Variants in DNAH9 observed in about 807,000 individuals in gnomAD.
The protein encoded by DNAH9 is dynein axonemal heavy chain 9.
Under a neutral mutation model 471.6 loss-of-function variants are expected in DNAH9, and 345 were observed. The ratio of observed to expected loss-of-function variants is 0.73; its 90% CI spans 0.67 to 0.80. DNAH9 has a LOEUF of 0.80. DNAH9 is among the 30% of genes least tolerant of loss of function. The pLI, the probability that DNAH9 is intolerant of heterozygous loss-of-function variation, is 0.00. For synonymous variants in DNAH9, 2,093 were observed against 2,123.6 expected, an observed-to-expected ratio of 0.99 and a Z score of 0.40; for missense variants, 5,407 against 5,609.2, an observed-to-expected ratio of 0.96 and a Z score of 1.15.
At chr17:11,657,413 T>C (rs1485071353) in intron 14 of DNAH9, among the ~76,000 whole-genome samples, 2 of 152,100 alleles carry the variant, frequency 1.3e-5, no homozygotes, top group African/African-American at 4.8e-5. Flanking sequence ...AATTGGATGG[T>C]TTATAGTTCT....
chr17:11,834,821 A>G lies in DNAH9; in HGVS notation c.9430A>G (p.Lys3144Glu). The change falls in exon 49 of 69, where the codon AAG becomes GAG. Residue 3144 changes from lysine to glutamate, a missense_variant. By Grantham distance (56) the Lys-to-Glu change is moderately conservative. Around this residue, in one of 3 missense-constraint regions of DNAH9, gnomAD observed 4,636 missense variants for 4,900.3 expected, o/e 0.95. Transcript: ENST00000262442. ...CATGCTAGAGGTGAAACAGAAGCAGAAGGACTGTGAGGAGGACCTGGCAAA... is the reference window on the plus strand; with the variant it reads ...CATGCTAGAGGTGAAACAGAAGCAGGAGGACTGTGAGGAGGACCTGGCAAA... ...VIMLEVKQKQ[K>E]DCEEDLAKAE... is the part of the protein sequence containing the mutation. The G allele has an allele frequency of 1.2e-6, 2 of 1,614,134 alleles. No homozygotes were observed. The highest frequency in any genetic ancestry group is 8.5e-7 in the Non-Finnish European group (1 of 1,180,026).
At chr17:11,841,769 T>C (rs1971043009) in intron 49 of DNAH9, among the ~76,000 whole-genome samples, 1 of 152,128 alleles carries the variant, frequency 6.6e-6, no homozygotes, top group Admixed American at 6.6e-5. Flanking sequence ...AGCTATTTTA[T>C]TTAGGAACCA....
At chr17:11,653,544 C>T (rs552625838) in intron 14 of DNAH9, among the ~76,000 whole-genome samples, 1 of 152,296 alleles carries the variant, frequency 6.6e-6, no homozygotes, top group African/African-American at 2.4e-5. Flanking sequence ...ACTGAAGCTT[C>T]CTTGTGAACA....
chr17:11,712,210 T>C (rs1398274932), intron 26 of DNAH9, among the ~76,000 whole-genome samples: 1 of 145,620 alleles, frequency 6.9e-6, no homozygotes, highest in Non-Finnish European at 1.5e-5. Context: ...TTATATAATT[T>C]TAAAAACTCC....
chr17:11,851,665 G>A (rs1412974097), intron 49 of DNAH9, among the ~76,000 whole-genome samples: 4 of 152,144 alleles, frequency 2.6e-5, no homozygotes, highest in Non-Finnish European at 5.9e-5. Context: ...AGGGAAGGAA[G>A]AGAAAGTCCA....
intron 41 of DNAH9, among the ~76,000 whole-genome samples, chr17:11,788,292 A>G (rs1415732970): frequency 6.6e-6 from 1 of 152,200 alleles, no homozygotes; most frequent in Non-Finnish European, 1.5e-5. Context: ...TGCAATAAAC[A>G]TCTGGGTAGA....
At chr17:11,824,889 C>T (rs1014743344) in intron 48 of DNAH9, among the ~76,000 whole-genome samples, 1 of 151,796 alleles carries the variant, frequency 6.6e-6, no homozygotes, top group Non-Finnish European at 1.5e-5. Flanking sequence ...TTCTCCTTCT[C>T]CTCCTCCTTC....
chr17:11,754,367 A>T (rs970370649), intron 33 of DNAH9, among the ~76,000 whole-genome samples: 48 of 152,170 alleles, frequency 3.2e-4, no homozygotes, highest in African/African-American at 1.1e-3. Flanking sequence ...TGGGTCAAAC[A>T]GTATTTCTGT....
At chr17:11,843,824 T>A (rs1326236972) in intron 49 of DNAH9, among the ~76,000 whole-genome samples, 1 of 140,548 alleles carries the variant, frequency 7.1e-6, no homozygotes, top group Non-Finnish European at 1.5e-5. Context: ...TATTTGTATA[T>A]ATACATGTAT....
At chr17:11,618,479 G>A (rs2072789763) in intron 5 of DNAH9, among the ~76,000 whole-genome samples, 1 of 151,938 alleles carries the variant, frequency 6.6e-6, no homozygotes, top group Non-Finnish European at 1.5e-5. Flanking sequence ...CCAGCTACTT[G>A]GGAGGCTGAG....
intron 38 of DNAH9, among the ~76,000 whole-genome samples, chr17:11,778,062 A>G (rs1431424070): frequency 1.3e-5 from 2 of 152,048 alleles, no homozygotes; most frequent in African/African-American, 4.8e-5. Flanking sequence ...ACCAGGGAAG[A>G]CCTTACTGGA....
At chr17:11,852,331 G>C (rs1366679838) in intron 49 of DNAH9, among the ~76,000 whole-genome samples, 1 of 152,188 alleles carries the variant, frequency 6.6e-6, no homozygotes, top group African/African-American at 2.4e-5. Context: ...AATAGGAAGT[G>C]GTAGGGAGCT....
chr17:11,655,605 GTA>G (rs1216370753), intron 14 of DNAH9, among the ~76,000 whole-genome samples: 341 of 30,792 alleles, frequency 0.011, 1 homozygote, highest in African/African-American at 0.032. Flanking sequence ...CAGTCCCCAT[GTA>G]TATATATATA....
rs764966847 is a variant in DNAH9 at position 11,810,235 on chromosome 17, C to T, written c.8584-11C>T. ...CTTTTCAGAGATTTCTGATATTGAC[C>T]ATTCCTACAGATGGACCTGGCCAGC... On this transcript the variant is annotated splice_polypyrimidine_tract_variant and intron_variant, in intron 44 of 68. Transcript: ENST00000262442. The T allele has an allele frequency of 1.1e-5, 17 of 1,605,618 alleles. 1 individual carries two copies. In the East Asian group the frequency reaches 3.8e-4, roughly 36 times the overall value.
Position 11,744,923 on chromosome 17 carries a change from C to T in DNAH9, c.6238C>T (p.Pro2080Ser). The T allele has an allele frequency of 6.2e-7, 1 of 1,614,184 alleles. No homozygotes were observed. The highest frequency in any genetic ancestry group is 8.5e-7 in the Non-Finnish European group (1 of 1,180,036). The change falls in exon 31 of 69, where the codon CCC (proline) becomes TCC (serine). Residue 2080 changes from proline (P) to serine (S), a missense_variant. Pro to Ser is a moderately conservative substitution (Grantham distance 74). This residue lies in a region of DNAH9 where 4,636 missense variants were observed against 4,900.3 expected (regional missense o/e 0.95). Transcript: ENST00000262442. ...GCGCTCCTTGCGGGATTTCAACATC[C>T]CCAAGATTGTGACTGATGACATGCC... is the stretch of plus-strand genomic sequence containing the variant. ...LMRSLRDFNI[P>S]KIVTDDMPIF... is the part of the protein sequence containing the mutation.
intron 55 of DNAH9, among the ~76,000 whole-genome samples, chr17:11,881,789 G>A (rs923058073): frequency 6.6e-6 from 1 of 152,120 alleles, no homozygotes; most frequent in Non-Finnish European, 1.5e-5. Context: ...GCGCTAGCCT[G>A]TAGTCCTAGC....
At chr17:11,959,997 A>C (rs1414727948) in intron 67 of DNAH9, among the ~76,000 whole-genome samples, 1 of 152,240 alleles carries the variant, frequency 6.6e-6, no homozygotes, top group Non-Finnish European at 1.5e-5. Flanking sequence ...CAGTCTAGAA[A>C]GTGAATTCGT....
At chr17:11,615,224 A>ATTAAC (rs1317196559) in intron 4 of DNAH9, among the ~76,000 whole-genome samples, 2 of 152,204 alleles carry the variant, frequency 1.3e-5, no homozygotes, top group African/African-American at 4.8e-5. Flanking sequence ...GCCTGTTGTT[A>ATTAAC]AAGACTTTCC....
intron 32 of DNAH9, among the ~76,000 whole-genome samples, chr17:11,752,039 AAC>A (rs1967175965): frequency 6.6e-6 from 1 of 152,224 alleles, no homozygotes; most frequent in Admixed American, 6.5e-5. Context: ...CATTTAACCA[AAC>A]ACATATATTT....
Sources: allele counts gnomAD v4.1 joint callset (sites outside exome capture counted in the v4.1 genomes callset), GRCh38; gene constraint gnomAD v4.1.1; regional missense constraint gnomAD v4.1.1; transcripts MANE v1.5; gene names NCBI Gene and HGNC (gene_info 2026-07-23, HGNC 2026-07-21).